DLC1: variants seen among roughly 807,000 people sequenced by gnomAD.
DLC1 encodes rho GTPase-activating protein 7.
A neutral mutation model predicts 140.3 loss-of-function variants in DLC1; 54 were observed. The observed-to-expected ratio is 0.38, with a 90% CI of 0.31 to 0.48. The LOEUF (loss-of-function observed/expected upper bound fraction) is 0.48, where lower values mean the gene tolerates loss of function less well. Ranked by LOEUF, DLC1 falls within the 20% of genes least tolerant of loss-of-function variation. The pLI, the probability that DLC1 is intolerant of heterozygous loss-of-function variation, is 0.96. For missense variants in DLC1, 2,536 were observed against 1,907.0 expected (o/e 1.33, Z -6.14); for synonymous variants, 986 against 728.1 (o/e 1.35, Z -5.70).
At chr8:13,376,268 C>G (rs987884474) in intron 4 of DLC1, among the ~76,000 whole-genome samples, 2 of 152,142 alleles carry the variant, frequency 1.3e-5, no homozygotes, top group African/African-American at 4.8e-5. Context: ...TATTTACTTG[C>G]TTTCTTTGAA....
intron 5 of DLC1, among the ~76,000 whole-genome samples, chr8:13,125,352 C>G (rs1249217116): frequency 6.6e-6 from 1 of 152,222 alleles, no homozygotes; most frequent in Admixed American, 6.5e-5. Context: ...AACACAAAAC[C>G]AATGACGTTT....
intron 7 of DLC1, among the ~76,000 whole-genome samples, chr8:13,104,855 T>C (rs1011925308): frequency 1.3e-5 from 2 of 152,098 alleles, no homozygotes; most frequent in African/African-American, 4.8e-5. Context: ...AGAAAACAAA[T>C]AACTAAGAAA....
In DLC1 at chr8:13,115,671, GAAGA is replaced by G. The variant is rs1446149158; in HGVS notation, c.1349-18_1349-15del. On this transcript the variant is annotated splice_polypyrimidine_tract_variant and intron_variant, in intron 5 of 17. Transcript: ENST00000276297. ...TGGCTTCAATTTCTAGAACAGAACA[GAAGA>G]AAGACAAAATTAGCCATGTGTACCT... 7.4e-6 allele frequency: 12 copies of G among 1,612,126 alleles called. No individual in the cohort carries two copies. The highest frequency in any genetic ancestry group is 1.0e-5 in the Non-Finnish European group (12 of 1,179,398).
At chr8:13,380,246 T>A (rs930334566) in intron 4 of DLC1, among the ~76,000 whole-genome samples, 1 of 152,232 alleles carries the variant, frequency 6.6e-6, no homozygotes, top group Non-Finnish European at 1.5e-5. Flanking sequence ...TAAACACTTA[T>A]ATGTTATTCT....
At chr8:13,394,427 T>C (rs375176708) in intron 3 of DLC1, among the ~76,000 whole-genome samples, 63 of 152,306 alleles carry the variant, frequency 4.1e-4, no homozygotes, top group African/African-American at 1.2e-3. Context: ...AACTACTACA[T>C]AGTGTGAGGT....
chr8:13,157,794 C>A (rs1824363965), intron 5 of DLC1, among the ~76,000 whole-genome samples: 2 of 152,192 alleles, frequency 1.3e-5, no homozygotes, highest in African/African-American at 4.8e-5. Context: ...ATTTTTATTA[C>A]ACTTGGAATC....
At chr8:13,559,018 A>T (rs762229513) in intron 1 of DLC1, 1 of 152,248 alleles carries the variant, frequency 6.6e-6, no homozygotes, top group Non-Finnish European at 1.5e-5. Flanking sequence ...ACATATTAGT[A>T]AAGGGTCTAA....
intron 5 of DLC1, among the ~76,000 whole-genome samples, chr8:13,134,601 C>T (rs1822414157): frequency 1.3e-5 from 2 of 152,210 alleles, no homozygotes; most frequent in Middle Eastern, 6.8e-3. Flanking sequence ...TTATTGGTTT[C>T]ATAGCGATAT....
intron 2 of DLC1, among the ~76,000 whole-genome samples, chr8:13,478,097 T>G (rs1170787551): frequency 1.3e-5 from 2 of 152,112 alleles, no homozygotes; most frequent in Admixed American, 6.6e-5. Flanking sequence ...ACTGGGTAAT[T>G]TATAAAGAAG....
intron 5 of DLC1, among the ~76,000 whole-genome samples, chr8:13,136,784 C>T (rs576290184): frequency 6.6e-6 from 1 of 152,336 alleles, no homozygotes; most frequent in South Asian, 2.1e-4. Context: ...GTCCGCCAGT[C>T]TTGGCCTCCC....
chr8:13,545,474 A>G (rs1803622052), intron 1 of DLC1, among the ~76,000 whole-genome samples: 1 of 152,062 alleles, frequency 6.6e-6, no homozygotes, highest in Non-Finnish European at 1.5e-5. Context: ...ACTGGGCCCC[A>G]GAGTAGCTTT....
intron 2 of DLC1, among the ~76,000 whole-genome samples, chr8:13,408,461 G>A (rs549131370): frequency 3.3e-5 from 5 of 152,246 alleles, no homozygotes; most frequent in African/African-American, 1.2e-4. Context: ...GGCTTCAAAC[G>A]GAGCACTGAT....
intron 5 of DLC1, among the ~76,000 whole-genome samples, chr8:13,243,777 C>A (rs571864297): frequency 6.6e-6 from 1 of 152,348 alleles, no homozygotes; most frequent in Non-Finnish European, 1.5e-5. Flanking sequence ...GCAACATCTG[C>A]ATTCCAAGGG....
chr8:13,163,828 C>T (rs954852962), intron 5 of DLC1, among the ~76,000 whole-genome samples: 3 of 151,788 alleles, frequency 2.0e-5, no homozygotes, highest in Admixed American at 6.6e-5. Context: ...AAAAAAAATG[C>T]ACCAAAACAA....
At chr8:13,128,699 G>A (rs1821803083) in intron 5 of DLC1, among the ~76,000 whole-genome samples, 1 of 152,136 alleles carries the variant, frequency 6.6e-6, no homozygotes, top group Admixed American at 6.5e-5. Context: ...TGGGCATTGT[G>A]GCGGCGCCTA....
chr8:13,510,517 C>T (rs1407264520), intron 1 of DLC1, among the ~76,000 whole-genome samples: 1 of 152,122 alleles, frequency 6.6e-6, no homozygotes, highest in Non-Finnish European at 1.5e-5. Context: ...AATTTGCACA[C>T]ATGAAATCTC....
chr8:13,593,018 G>T (rs62493211), intron 1 of DLC1, among the ~76,000 whole-genome samples: 15,258 of 152,016 alleles, frequency 0.1, 1,098 homozygotes, highest in Non-Finnish European at 0.14. Context: ...TCTGTTTAAG[G>T]AGTTTAGCTT....
At chr8:13,542,813 A>G (rs937201483) in intron 1 of DLC1, among the ~76,000 whole-genome samples, 16 of 152,082 alleles carry the variant, frequency 1.1e-4, no homozygotes, top group African/African-American at 3.9e-4. Context: ...TTATATTTAT[A>G]TTGTAATTTG....
intron 2 of DLC1, among the ~76,000 whole-genome samples, chr8:13,407,966 T>A (rs1837637288): frequency 6.6e-6 from 1 of 151,756 alleles, no homozygotes; most frequent in South Asian, 2.1e-4. Flanking sequence ...ATATCCTGTT[T>A]TAAAAACCAG....
Sources: gnomAD v4.1 joint callset for allele counts (sites outside exome capture counted in the v4.1 genomes callset) on GRCh38, gnomAD v4.1.1 for gene constraint, MANE v1.5 for transcripts, NCBI Gene and HGNC (gene_info 2026-07-23, HGNC 2026-07-21) for gene names.